The following ARHGAP20 variants were observed in gnomAD, a reference collection of about 807,000 sequenced individuals.
ARHGAP20 encodes the protein Rho GTPase activating protein 20.
In ARHGAP20, 34 loss-of-function variants were observed where a neutral mutation model predicts 73.7. The observed-to-expected ratio is 0.46, with a 90% CI of 0.35 to 0.61. The LOEUF (loss-of-function observed/expected upper bound fraction) is 0.61, where lower values mean the gene tolerates loss of function less well. ARHGAP20 is among the 20% of genes least tolerant of loss of function. The pLI is 0.00. For synonymous variants in ARHGAP20, 523 were observed against 518.2 expected (o/e 1.01, Z -0.13); for missense variants, 1,314 against 1,420.9 (o/e 0.92, Z 1.21).
intron 2 of ARHGAP20, among the ~76,000 whole-genome samples, chr11:110,672,314 C>T (rs1043889034): frequency 7.9e-5 from 12 of 152,046 alleles, no homozygotes; most frequent in Admixed American, 7.9e-4. Flanking sequence ...TACAAGTTTA[C>T]ACATTAAAAA....
At chr11:110,620,293 G>A (rs773995365) in intron 4 of ARHGAP20, among the ~76,000 whole-genome samples, 5 of 152,158 alleles carry the variant, frequency 3.3e-5, no homozygotes, top group Middle Eastern at 6.8e-3. Flanking sequence ...GGGACTACAG[G>A]TGTATGCCAC....
At chr11:110,643,201 G>C (rs74599978) in intron 2 of ARHGAP20, among the ~76,000 whole-genome samples, 4,202 of 151,990 alleles carry the variant, frequency 0.028, 126 homozygotes, top group African/African-American at 0.073. Context: ...TCTCAATCTT[G>C]TTTATTCTTT....
At chr11:110,623,781 T>A (rs1948678009) in intron 4 of ARHGAP20, among the ~76,000 whole-genome samples, 1 of 145,388 alleles carries the variant, frequency 6.9e-6, no homozygotes, top group Non-Finnish European at 1.5e-5. Flanking sequence ...AGGAAGGGGA[T>A]GTTGAAGAGG....
intron 9 of ARHGAP20, among the ~76,000 whole-genome samples, chr11:110,593,733 T>C (rs1947884578): frequency 6.6e-6 from 1 of 152,232 alleles, no homozygotes; most frequent in South Asian, 2.1e-4. Flanking sequence ...CCCTAAATAC[T>C]ATGTATAAAT....
chr11:110,710,878 C>T (rs7108033), intron 1 of ARHGAP20, among the ~76,000 whole-genome samples: 12,125 of 152,180 alleles, frequency 0.08, 586 homozygotes, highest in Middle Eastern at 0.15. Context: ...AGGGAACCTG[C>T]GTAACCCCTT....
intron 1 of ARHGAP20, among the ~76,000 whole-genome samples, chr11:110,699,595 A>G (rs1307503327): frequency 1.3e-5 from 2 of 151,990 alleles, no homozygotes; most frequent in African/African-American, 2.4e-5. Flanking sequence ...TGTTAGGTGC[A>G]TATATATTTA....
intron 12 of ARHGAP20, among the ~76,000 whole-genome samples, chr11:110,584,334 AT>A (rs1235914068): frequency 1.3e-5 from 2 of 151,532 alleles, no homozygotes; most frequent in African/African-American, 4.8e-5. Context: ...TCATGTTGTA[AT>A]TGATAAGGGA....
At chr11:110,666,282 C>T (rs1949722599) in intron 2 of ARHGAP20, among the ~76,000 whole-genome samples, 1 of 152,106 alleles carries the variant, frequency 6.6e-6, no homozygotes, top group Admixed American at 6.6e-5. Flanking sequence ...GTTGATTTTA[C>T]CCACACTGAT....
rs759224482 is a variant in ARHGAP20, at chr11:110,579,969, T to G, written c.2977A>C (p.Ser993Arg). ...ATTCCGGAAACATGGCTGGCATTGC[T>G]AAAGTCAGGAGAAAGGTCTTCCCGT... ...RKREDLSPDF[S>R]NASHVSGMPG... Residue 993 changes from serine (S) to arginine (R), a missense_variant, in exon 15 of 15, where the codon AGC becomes CGC. This residue lies in a region of ARHGAP20 where 641 missense variants were observed against 636.9 expected (regional missense o/e 1.01). Coordinates refer to ENST00000683387, the MANE Select transcript of ARHGAP20 (RefSeq NM_001384657.1). 3.7e-6 allele frequency: 6 copies of G among 1,614,088 alleles called. No homozygotes were observed. The highest frequency in any genetic ancestry group is 1.7e-5 in the Admixed American group (1 of 60,008).
At chr11:110,669,631 G>C (rs1240695943) in intron 2 of ARHGAP20, among the ~76,000 whole-genome samples, 2 of 152,202 alleles carry the variant, frequency 1.3e-5, no homozygotes, top group Non-Finnish European at 2.9e-5. Context: ...TGCACACATA[G>C]AATACTTAAA....
chr11:110,605,143 A>T (rs1398392890), intron 9 of ARHGAP20, among the ~76,000 whole-genome samples: 1 of 152,206 alleles, frequency 6.6e-6, no homozygotes, highest in Non-Finnish European at 1.5e-5. Flanking sequence ...TGATCACGAT[A>T]ACCATGGAAT....
intron 2 of ARHGAP20, among the ~76,000 whole-genome samples, chr11:110,659,804 A>G (rs1169686337): frequency 6.6e-6 from 1 of 151,978 alleles, no homozygotes; most frequent in African/African-American, 2.4e-5. Flanking sequence ...TATCGCAAGA[A>G]CAAAAAACCA....
At chr11:110,601,276 CTA>C (rs142868587) in intron 9 of ARHGAP20, among the ~76,000 whole-genome samples, 2 of 152,302 alleles carry the variant, frequency 1.3e-5, no homozygotes, top group East Asian at 1.9e-4. Context: ...AGGCAAAATT[CTA>C]TGTTTATACT....
At chr11:110,613,396 A>G (rs1948412332) in intron 6 of ARHGAP20, among the ~76,000 whole-genome samples, 1 of 152,206 alleles carries the variant, frequency 6.6e-6, no homozygotes, top group Admixed American at 6.5e-5. Flanking sequence ...TATGAAAGCT[A>G]CTTTAGACAG....
chr11:110,712,339 G>A lies in ARHGAP20; in HGVS notation c.-108C>T, dbSNP rs536253621. ...GCGCGGGCGGAGGCGCGGCTGCCGT[G>A]CTCAGGCAGGGAGCCGAGCTCCGGG... On this transcript the variant is annotated 5_prime_UTR_variant, in exon 1 of 15. Coordinates refer to ENST00000683387, the MANE Select transcript of ARHGAP20 (RefSeq NM_001384657.1). The A allele has an allele frequency of 4.8e-5, 45 of 935,208 alleles. No homozygotes were observed. The East Asian group carries it at 1.6e-3, about 33-fold the overall frequency. 57.9% of individuals were successfully genotyped at this position (935,208 alleles called of 1,614,324 possible). A position where few individuals can be genotyped will look rare whatever the true frequency, so the allele number is the denominator to read the frequency against.
At chr11:110,668,748 T>G (rs889314596) in intron 2 of ARHGAP20, among the ~76,000 whole-genome samples, 4 of 152,226 alleles carry the variant, frequency 2.6e-5, no homozygotes, top group African/African-American at 9.6e-5. Context: ...TTATATGCAC[T>G]GGGAAACCAA....
At position 110,580,058 on chromosome 11, in the gene ARHGAP20, T is replaced by C; in HGVS notation, c.2888A>G (p.His963Arg). The change falls in exon 15 of 15, where the codon CAC becomes CGC. Residue 963 changes from histidine (H) to arginine (R), a missense_variant. Physicochemically the swap from His to Arg is conservative, Grantham distance 29. Around this residue, in one of 3 missense-constraint regions of ARHGAP20, gnomAD observed 641 missense variants for 636.9 expected, o/e 1.01. Transcript: ENST00000683387. ...QDSAFSQISE[H>R]SVFTPTETSS... ...AGTCTCAGTGGGTGTAAACACAGAG[T>C]GTTCAGAAATCTGAGAAAAAGCACT... The C allele has an allele frequency of 6.2e-7, 1 of 1,614,024 alleles. No homozygotes were observed. Among genetic ancestry groups the C allele is most frequent in the Non-Finnish European group, 8.5e-7 (1 of 1,180,002 alleles).
At chr11:110,614,288 A>G (rs565012994) in intron 6 of ARHGAP20, among the ~76,000 whole-genome samples, 1 of 152,358 alleles carries the variant, frequency 6.6e-6, no homozygotes, top group East Asian at 1.9e-4. Context: ...GAGACATGTC[A>G]CAAGCAATGT....
intron 9 of ARHGAP20, among the ~76,000 whole-genome samples, chr11:110,596,791 GTA>G (rs1038698205): frequency 2.0e-5 from 3 of 152,110 alleles, no homozygotes; most frequent in Non-Finnish European, 4.4e-5. Flanking sequence ...CCGTTACTGG[GTA>G]TATACCCAAA....
Sources: allele counts gnomAD v4.1 joint callset (sites outside exome capture counted in the v4.1 genomes callset), GRCh38; gene constraint gnomAD v4.1.1; regional missense constraint gnomAD v4.1.1; transcripts MANE v1.5; gene names NCBI Gene and HGNC (gene_info 2026-07-23, HGNC 2026-07-21).